The following ABCA12 variants were observed in gnomAD, a reference collection of about 807,000 sequenced individuals.
ABCA12 encodes the protein glucosylceramide transporter ABCA12.
Under a neutral mutation model 293.5 loss-of-function variants are expected in ABCA12, and 156 were observed. That is an observed-to-expected ratio of 0.53 (90% CI 0.47 to 0.61). The LOEUF is 0.61. Ranked by LOEUF, ABCA12 falls within the 20% of genes least tolerant of loss-of-function variation. ABCA12 has a pLI of 0.00. For missense variants in ABCA12, 2,797 were observed against 3,090.2 expected, an observed-to-expected ratio of 0.91 and a Z score of 2.25; for synonymous variants, 1,063 against 1,108.0, an observed-to-expected ratio of 0.96 and a Z score of 0.81.
chr2:214,959,132 C>A, intron 39 of ABCA12, 54 bp from the exon 40 acceptor site: 1 of 1,410,106 alleles, frequency 7.1e-7, no homozygotes, highest in Admixed American at 1.7e-5. Flanking sequence ...TCAGAAATAC[C>A]AATTTTTAGA....
chr2:214,934,352 G>T, intron 51 of ABCA12, 137 bp from the exon 52 acceptor site: 1 of 1,014,918 alleles, frequency 9.9e-7, no homozygotes. Context: ...TAAATAACGA[G>T]TATATTTTGA....
chr2:215,003,812 C>G (rs564629937), intron 20 of ABCA12, among the ~76,000 whole-genome samples: 1 of 151,978 alleles, frequency 6.6e-6, no homozygotes, highest in Non-Finnish European at 1.5e-5. Context: ...GGATTACAGG[C>G]GTGCACCACC....
intron 26 of ABCA12, 81 bp downstream of exon 26, chr2:214,989,248 A>G: frequency 9.0e-7 from 1 of 1,105,934 alleles, no homozygotes. Flanking sequence ...TTTTGCAAAT[A>G]AAATATTAGA....
chr2:215,037,132 T>C (rs1421245388), intron 7 of ABCA12, 67 bp from the exon 8 acceptor site: 33 of 1,276,982 alleles, frequency 2.6e-5, no homozygotes, highest in Non-Finnish European at 3.4e-5. Context: ...CAAAAGATTA[T>C]TCAAGGAGAA....
chr2:215,121,869 C>T (rs1291178652), intron 1 of ABCA12, among the ~76,000 whole-genome samples: 1 of 152,140 alleles, frequency 6.6e-6, no homozygotes, highest in Non-Finnish European at 1.5e-5. Flanking sequence ...CTTTGCCTTC[C>T]ACCATGAATG....
chr2:214,955,495 A>C, intron 42 of ABCA12, 134 bp from the exon 43 acceptor site: 1 of 789,876 alleles, frequency 1.3e-6, no homozygotes, highest in Non-Finnish European at 2.1e-6. Context: ...CAGCCTGAGC[A>C]ACTTGGCAAA....
intron 8 of ABCA12, 130 bp downstream of exon 8, chr2:215,036,823 T>A: frequency 2.5e-6 from 2 of 813,548 alleles, no homozygotes; most frequent in Non-Finnish European, 2.1e-6. Context: ...AGATCCAGAT[T>A]TATTCATAGC....
chr2:215,086,507 TG>T (rs1702040939), intron 2 of ABCA12, among the ~76,000 whole-genome samples: 1 of 152,180 alleles, frequency 6.6e-6, no homozygotes, highest in Non-Finnish European at 1.5e-5. Flanking sequence ...TCAGTTAATG[TG>T]GCTTGACTAG....
intron 5 of ABCA12, among the ~76,000 whole-genome samples, chr2:215,050,550 A>C (rs906511455): frequency 6.6e-6 from 1 of 152,116 alleles, no homozygotes; most frequent in African/African-American, 2.4e-5. Context: ...TACAGAGCTG[A>C]TGATAGTTAG....
chr2:215,132,421 G>A (rs1188266308), intron 1 of ABCA12, among the ~76,000 whole-genome samples: 7 of 151,682 alleles, frequency 4.6e-5, no homozygotes, highest in East Asian at 3.9e-4. Context: ...GGGTGCTTCC[G>A]TATTGGGTTA....
At chr2:214,952,963 A>G (rs1164795696) in intron 44 of ABCA12, among the ~76,000 whole-genome samples, 1 of 152,166 alleles carries the variant, frequency 6.6e-6, no homozygotes, top group Non-Finnish European at 1.5e-5. Context: ...ATGTCATTAA[A>G]ATTTAAATGG....
In ABCA12 at chr2:215,010,467, G is replaced by T. The variant is rs1574980540; in HGVS notation, c.2336C>A (p.Pro779Gln). The change falls in exon 18 of 53, where the codon CCA (proline) becomes CAA (glutamine). Residue 779 changes from proline (P) to glutamine (Q), a missense_variant. Coordinates refer to ENST00000272895, the MANE Select transcript of ABCA12 (RefSeq NM_173076.3). ...GTCTTTATAAAGGGAGAAGCAAAATGGTGCTGGAAGGAAAAAGTGAAATAA... is the reference window on the plus strand; with the variant it reads ...GTCTTTATAAAGGGAGAAGCAAAATTGTGCTGGAAGGAAAAAGTGAAATAA... ...SKYGIPINST[P>Q]FCFSLYKDII... is the part of the protein sequence containing the mutation. 2 of 1,613,418 alleles carry T rather than the reference G, an allele frequency of 1.2e-6. No homozygotes were observed. The highest frequency in any genetic ancestry group is 1.7e-6 in the Non-Finnish European group (2 of 1,179,512).
In ABCA12 at chr2:215,025,657, TA is replaced by T; in HGVS notation, c.1287+15del. ...TTTTTTTTGTTTTTTGTTTTTTTTT[TA>T]CTTTCATGGCTTACTTTTGATTTTA... On this transcript the variant is annotated intron_variant, in intron 11 of 52. Coordinates refer to ENST00000272895, the MANE Select transcript of ABCA12 (RefSeq NM_173076.3). 4 of 1,508,866 alleles carry T rather than the reference TA, an allele frequency of 2.7e-6. No individual in the cohort carries two copies. The highest frequency in any genetic ancestry group is 2.0e-5 in the Admixed American group (1 of 50,194). The allele number at this position is 1,508,866 out of a possible 1,614,324, so 93.5% of individuals were successfully genotyped here. A position where few individuals can be genotyped will look rare whatever the true frequency, so the allele number is the denominator to read the frequency against.
At chr2:215,086,528 A>G (rs1015389655) in intron 2 of ABCA12, among the ~76,000 whole-genome samples, 2 of 152,194 alleles carry the variant, frequency 1.3e-5, no homozygotes, top group African/African-American at 2.4e-5. Flanking sequence ...GAAATACTGT[A>G]AATGTACCTC....
At chr2:215,090,250 G>C (rs2106105376) in intron 2 of ABCA12, among the ~76,000 whole-genome samples, 1 of 152,206 alleles carries the variant, frequency 6.6e-6, no homozygotes, top group African/African-American at 2.4e-5. Context: ...TAATTAAAAA[G>C]CTTTATTGCT....
chr2:214,996,565 A>C (rs1700037035), intron 23 of ABCA12, among the ~76,000 whole-genome samples: 1 of 152,244 alleles, frequency 6.6e-6, no homozygotes, highest in Non-Finnish European at 1.5e-5. Context: ...AATTGGAATT[A>C]GAAAACCATT....
chr2:214,979,771 ATAAT>A (rs1197439769), intron 31 of ABCA12, among the ~76,000 whole-genome samples: 1 of 152,184 alleles, frequency 6.6e-6, no homozygotes, highest in Non-Finnish European at 1.5e-5. Flanking sequence ...AATGAGTATA[ATAAT>A]TAAGAGTATA....
chr2:214,984,362 C>G (rs1699740497), intron 28 of ABCA12, among the ~76,000 whole-genome samples: 1 of 152,170 alleles, frequency 6.6e-6, no homozygotes, highest in Non-Finnish European at 1.5e-5. Flanking sequence ...TCCCAAAGTG[C>G]TGGGATTACA....
Position 215,106,607 on chromosome 2 carries a change from G to A in ABCA12, c.163+4990C>T, listed in dbSNP as rs2948976. On this transcript the variant is annotated intron_variant, in intron 2 of 52. Transcript: ENST00000272895. The stretch of plus-strand genomic sequence containing the variant: ...AAAATAGGGACAATTCTATTACAAG[G>A]TCCAAAGAAATGATGTGAGTATTAA... 3.0e-3 allele frequency among the ~76,000 whole-genome samples: 457 copies of A among 152,172 alleles called. 1 individual carries two copies. Among genetic ancestry groups the A allele is most frequent in the African/African-American group, 0.011 (439 of 41,488 alleles).
Sources: allele counts gnomAD v4.1 joint callset (sites outside exome capture counted in the v4.1 genomes callset), GRCh38; gene constraint gnomAD v4.1.1; transcripts MANE v1.5; gene names NCBI Gene and HGNC (gene_info 2026-07-23, HGNC 2026-07-21).